PITRM1: variants seen among roughly 807,000 people sequenced by gnomAD.
PITRM1 encodes pitrilysin metallopeptidase 1.
In PITRM1, 100 loss-of-function variants were observed where a neutral mutation model predicts 129.9. The observed-to-expected ratio is 0.77, with a 90% CI of 0.65 to 0.91. PITRM1 has a LOEUF of 0.91. PITRM1 is among the 40% of genes least tolerant of loss of function. The pLI is 0.00. For missense variants in PITRM1, 1,471 were observed against 1,318.3 expected, an observed-to-expected ratio of 1.12 and a Z score of -1.79; for synonymous variants, 591 against 508.8, an observed-to-expected ratio of 1.16 and a Z score of -2.17.
chr10:3,145,305 T>A lies in PITRM1; in HGVS notation c.2457+291A>T, dbSNP rs1840737927. On this transcript the variant is annotated intron_variant, in intron 21 of 26. Transcript: ENST00000224949. ...TTCAGGCTACGGTTTGGGCCATTCC[T>A]CTGCCAGCGTATTCCAGCCAAAGTC... 8.0e-6 allele frequency: 3 copies of A among 373,964 alleles called. No homozygotes were observed. The East Asian group carries it at 1.4e-4, about 18-fold the overall frequency. The allele number at this position is 373,964 out of a possible 1,614,324, so 23.2% of individuals were successfully genotyped here. A position where few individuals can be genotyped will look rare whatever the true frequency, so the allele number is the denominator to read the frequency against.
Position 3,138,132 on chromosome 10 carries a change from G to GA in PITRM1, c.3021-9dup. ...TTCCCAGTGCCGAGGTATCTGAGAGGAAGGCAGGCGTGGTCAGCAAGGACT... is the reference window on the plus strand; with the variant it reads ...TTCCCAGTGCCGAGGTATCTGAGAGGAAAGGCAGGCGTGGTCAGCAAGGACT... On this transcript the variant is annotated splice_polypyrimidine_tract_variant and intron_variant, in intron 26 of 26. Transcript: ENST00000224949. 6.2e-7 allele frequency: 1 copy of GA among 1,602,150 alleles called. No individual in the cohort carries two copies. Among genetic ancestry groups the GA allele is most frequent in the Non-Finnish European group, 8.5e-7 (1 of 1,171,378 alleles).
chr10:3,172,665 C>T, intron 1 of PITRM1, 52 bp downstream of exon 1: 3 of 1,502,254 alleles, frequency 2.0e-6, no homozygotes, highest in Non-Finnish European at 2.7e-6. Context: ...TGCCCTGGAC[C>T]CTCCCCTCCC....
chr10:3,155,525 C>T, intron 14 of PITRM1, 66 bp downstream of exon 14: 3 of 1,591,208 alleles, frequency 1.9e-6, no homozygotes, highest in Non-Finnish European at 2.6e-6. Flanking sequence ...ACTACTAACT[C>T]ACTAACAAGT....
rs1839693468 is a variant in PITRM1, at chr10:3,137,872, C to T, written c.*159G>A. The T allele has an allele frequency of 1.7e-6, 1 of 602,932 alleles. No homozygotes were observed. The allele number at this position is 602,932 out of a possible 1,614,324, so 37.3% of individuals were successfully genotyped here. ...ATTTCAATGAACCTCTTCCTGGTCA[C>T]TCTTAAGATAGATCTGAGTTTTTGA... On this transcript the variant is annotated 3_prime_UTR_variant, in exon 27 of 27. Coordinates refer to ENST00000224949, the MANE Select transcript of PITRM1 (RefSeq NM_014889.4).
rs528915759 is a variant in PITRM1 at position 3,144,246 on chromosome 10, G to A, written c.2532+46C>T. On this transcript the variant is annotated intron_variant, in intron 22 of 26. Coordinates refer to ENST00000224949, the MANE Select transcript of PITRM1 (RefSeq NM_014889.4). ...CATCAGTGGCAGACACAGCCATGCA[G>A]GGAAGCACCCACCCGCTGGCAACCC... 4.6e-5 allele frequency: 50 copies of A among 1,090,124 alleles called. No homozygotes were observed. In the South Asian group the frequency reaches 4.7e-4, roughly 10 times the overall value. The allele number at this position is 1,090,124 out of a possible 1,614,324, so 67.5% of individuals were successfully genotyped here. A position where few individuals can be genotyped will look rare whatever the true frequency, so the allele number is the denominator to read the frequency against.
In PITRM1 at chr10:3,170,143, A is replaced by G. The variant is rs374942775; in HGVS notation, c.120T>C (p.Tyr40=). 12 of 1,613,822 alleles carry G rather than the reference A, an allele frequency of 7.4e-6. No homozygotes were observed. In the African/African-American group the frequency reaches 1.6e-4, roughly 22 times the overall value. The part of the protein sequence containing the change: ...SNRACERALQ[Y]KLGDKIHGFT... ...ATCCATGGATCTTGTCTCCTAGTTT[A>G]TACTGCAGAGCCCTCTCACAAGCCC... is the stretch of plus-strand genomic sequence containing the variant. Residue 40 remains tyrosine, a synonymous_variant, in exon 2 of 27, where the codon TAT becomes TAC. Transcript: ENST00000224949.
chr10:3,143,405 C>T lies in PITRM1; in HGVS notation c.2629G>A (p.Asp877Asn). The T allele has an allele frequency of 1.2e-6, 2 of 1,610,316 alleles. No homozygotes were observed. Among genetic ancestry groups the T allele is most frequent in the Non-Finnish European group, 1.7e-6 (2 of 1,176,534 alleles). ...CCCTCCTACCTGGCATGATCTGGGTCCGTGTAGGGGACAGTTCGGATGCAT... is the reference window on the plus strand; with the variant it reads ...CCCTCCTACCTGGCATGATCTGGGTTCGTGTAGGGGACAGTTCGGATGCAT... ...GECIRTVPYT[D>N]PDHASLKILA... The change falls in exon 23 of 27, where the codon GAC becomes AAC. Residue 877 changes from aspartate to asparagine, a missense_variant. Transcript: ENST00000224949.
rs1295220340 is a variant in PITRM1 at position 3,147,181 on chromosome 10, T to C, written c.2305A>G (p.Lys769Glu). ...KPILRKLPRI[K>E]KHLLNGDNMR... ...TTATCACCATTTAACAAGTGTTTCTTGATACGCGGGAGCTTCCTCAGGATG... is the reference window on the plus strand; with the variant it reads ...TTATCACCATTTAACAAGTGTTTCTCGATACGCGGGAGCTTCCTCAGGATG... The change falls in exon 20 of 27, where the codon AAG becomes GAG. Residue 769 changes from lysine to glutamate, a missense_variant. Physicochemically the swap from Lys to Glu is moderately conservative, Grantham distance 56. Coordinates refer to ENST00000224949, the MANE Select transcript of PITRM1 (RefSeq NM_014889.4). 6.2e-7 allele frequency: 1 copy of C among 1,601,208 alleles called. No individual in the cohort carries two copies. The highest frequency in any genetic ancestry group is 1.7e-5 in the Admixed American group (1 of 59,948).
At chr10:3,143,350 A>C (rs1017431827) in intron 23 of PITRM1, 39 bp downstream of exon 23, 2 of 1,279,074 alleles carry the variant, frequency 1.6e-6, no homozygotes, top group Non-Finnish European at 2.3e-6. Context: ...CTCTTCCGTA[A>C]GGCTCAGGCC....
intron 3 of PITRM1, among the ~76,000 whole-genome samples, 170 bp from the exon 4 acceptor site, chr10:3,166,550 G>A (rs748898256): frequency 1.3e-5 from 2 of 152,126 alleles, no homozygotes; most frequent in Non-Finnish European, 2.9e-5. Flanking sequence ...CTGTAAAATT[G>A]TATTTTGATG....
intron 22 of PITRM1, chr10:3,144,022 G>GA: frequency 1.8e-6 from 1 of 565,034 alleles, no homozygotes; most frequent in African/African-American, 1.9e-5. Flanking sequence ...CAGAGCAGTA[G>GA]CCCTCTTCCT....
At position 3,138,968 on chromosome 10, in the gene PITRM1, G is replaced by C. The variant is rs753049878; in HGVS notation, c.2853C>G (p.Asp951Glu). Reference sequence around the variant, plus strand: ...AGACAGAAAGTTTGGCTTCGTCGATGTCTTGCTGTGTGAATTTTCCAGACT... The same window carrying C: ...AGACAGAAAGTTTGGCTTCGTCGATCTCTTGCTGTGTGAATTTTCCAGACT... ...WAKSGKFTQQ[D>E]IDEAKLSVFS... The change falls in exon 25 of 27, where the codon GAC (aspartate) becomes GAG (glutamate). Residue 951 changes from aspartate (D) to glutamate (E), a missense_variant. Physicochemically the swap from Asp to Glu is conservative, Grantham distance 45 (BLOSUM62 2). Transcript: ENST00000224949. The C allele has an allele frequency of 1.9e-6, 3 of 1,613,706 alleles. No homozygotes were observed. Among genetic ancestry groups the C allele is most frequent in the Admixed American group, 1.7e-5 (1 of 60,010 alleles).
rs377401053 is a variant in PITRM1 at position 3,160,331 on chromosome 10, C to G, written c.792-1G>C. The G allele has an allele frequency of 6.2e-7, 1 of 1,607,330 alleles. No homozygotes were observed. Among genetic ancestry groups the G allele is most frequent in the Non-Finnish European group, 8.5e-7 (1 of 1,173,942 alleles). ...TGGAAAATTACCGTACGTGAAGAACCTAAAATTTTAAGGGAATATAATTAG... is the reference window on the plus strand; with the variant it reads ...TGGAAAATTACCGTACGTGAAGAACGTAAAATTTTAAGGGAATATAATTAG... On this transcript the variant is annotated splice_acceptor_variant, in intron 7 of 26. Coordinates refer to ENST00000224949, the MANE Select transcript of PITRM1 (RefSeq NM_014889.4). LOFTEE classifies it high-confidence loss of function.
At chr10:3,147,902 C>T (rs1003780643) in intron 18 of PITRM1, 85 bp downstream of exon 18, 13 of 1,219,650 alleles carry the variant, frequency 1.1e-5, no homozygotes, top group South Asian at 5.0e-5. Flanking sequence ...ACAACACACA[C>T]GAGTAAAACT....
At chr10:3,142,715 C>T (rs1469446468) in intron 23 of PITRM1, among the ~76,000 whole-genome samples, 1 of 152,246 alleles carries the variant, frequency 6.6e-6, no homozygotes, top group East Asian at 1.9e-4. Flanking sequence ...GTGGCTTCGG[C>T]TGCTCAACCC....
intron 2 of PITRM1, among the ~76,000 whole-genome samples, chr10:3,169,371 C>T (rs997496581): frequency 6.6e-6 from 1 of 152,174 alleles, no homozygotes; most frequent in African/African-American, 2.4e-5. Context: ...CTTCCCTCTG[C>T]CCCCAGCAGC....
upstream of PITRM1, chr10:3,172,805 C>G (rs772952425): frequency 1.3e-4 from 178 of 1,395,254 alleles, no homozygotes; most frequent in African/African-American, 4.6e-3. Context: ...GGCGAGGAAC[C>G]CCCTCTTAAC....
At position 3,155,591 on chromosome 10, in the gene PITRM1, C is replaced by G. The variant is rs1205394468; in HGVS notation, c.1621G>C (p.Gly541Arg). 6.2e-7 allele frequency: 1 copy of G among 1,613,900 alleles called. No homozygotes were observed. Among genetic ancestry groups the G allele is most frequent in the Non-Finnish European group, 8.5e-7 (1 of 1,179,864 alleles). Residue 541 changes from glycine to arginine, a missense_variant and splice_region_variant, in exon 14 of 27, where the codon GGT (glycine) becomes CGT (arginine). Gly to Arg is a moderately radical substitution (Grantham distance 125, BLOSUM62 -2). Transcript: ENST00000224949. ...PGDRQQIYEK[G>R]LELRSQQSKP... is the part of the protein sequence containing the mutation. ...GCCAGCTCGGAAGGAAGCCTCTGACCTTTCTCGTAGATCTGCTGCCTGTCT... is the reference window on the plus strand; with the variant it reads ...GCCAGCTCGGAAGGAAGCCTCTGACGTTTCTCGTAGATCTGCTGCCTGTCT...
At chr10:3,149,823 A>G (rs886076562) in intron 15 of PITRM1, 70 bp from the exon 16 acceptor site, 456 of 1,501,918 alleles carry the variant, frequency 3.0e-4, no homozygotes, top group Middle Eastern at 2.9e-3. Context: ...ATATTTAAAA[A>G]CAATGCTATT....
Sources: allele counts gnomAD v4.1 joint callset (sites outside exome capture counted in the v4.1 genomes callset), GRCh38; gene constraint gnomAD v4.1.1; transcripts MANE v1.5; gene names NCBI Gene and HGNC (gene_info 2026-07-23, HGNC 2026-07-21).